Variants in EPHA6 observed in about 807,000 individuals in gnomAD.
EPHA6 encodes the protein ephrin type-A receptor 6.
Under a neutral mutation model 112.0 loss-of-function variants are expected in EPHA6, and 50 were observed. The ratio of observed to expected loss-of-function variants is 0.45; its 90% confidence interval spans 0.36 to 0.56. The LOEUF (loss-of-function observed/expected upper bound fraction) is 0.56. Ranked by LOEUF, EPHA6 falls within the 20% of genes least tolerant of loss-of-function variation. The pLI is 0.00. For synonymous variants in EPHA6, 529 were observed against 490.7 expected (o/e 1.08, Z -1.03); for missense variants, 1,280 against 1,417.4 (o/e 0.90, Z 1.56).
At chr3:97,292,698 G>A (rs2080732137) in intron 5 of EPHA6, among the ~76,000 whole-genome samples, 1 of 151,450 alleles carries the variant, frequency 6.6e-6, no homozygotes, top group Admixed American at 6.6e-5. Flanking sequence ...TCTCAGGGGA[G>A]AGGAGACCCG....
chr3:97,013,502 C>A (rs946208006), intron 3 of EPHA6, among the ~76,000 whole-genome samples: 3 of 152,050 alleles, frequency 2.0e-5, no homozygotes, highest in African/African-American at 7.2e-5. Context: ...GTACCCACTA[C>A]GTCCTGAAAA....
At chr3:96,994,795 T>TGC (rs1335823818) in intron 3 of EPHA6, among the ~76,000 whole-genome samples, 2 of 139,276 alleles carry the variant, frequency 1.4e-5, no homozygotes, top group Non-Finnish European at 3.1e-5. Context: ...AGAATATGTG[T>TGC]GTGTATATAT....
intron 2 of EPHA6, among the ~76,000 whole-genome samples, chr3:96,882,768 G>A (rs6782935): frequency 0.11 from 16,158 of 148,856 alleles, 2,885 homozygotes; most frequent in African/African-American, 0.37. Context: ...GTGTGTGTGT[G>A]TATAGTCAAT....
intron 3 of EPHA6, among the ~76,000 whole-genome samples, chr3:97,131,256 G>A (rs1426421217): frequency 6.6e-6 from 1 of 152,018 alleles, no homozygotes; most frequent in East Asian, 1.9e-4. Context: ...AATATAAATG[G>A]TAGTAATATA....
intron 12 of EPHA6, among the ~76,000 whole-genome samples, chr3:97,598,144 T>G (rs1000117451): frequency 1.3e-5 from 2 of 151,994 alleles, no homozygotes; most frequent in Non-Finnish European, 2.9e-5. Context: ...TTTTATTTTT[T>G]TTATTTTTTA....
chr3:97,744,425 C>G (rs1343562732), intron 16 of EPHA6, among the ~76,000 whole-genome samples: 1 of 151,822 alleles, frequency 6.6e-6, no homozygotes, highest in Non-Finnish European at 1.5e-5. Context: ...GCCCTCGAAG[C>G]CAGAAAATAG....
At chr3:97,202,109 G>A (rs934706589) in intron 3 of EPHA6, among the ~76,000 whole-genome samples, 5 of 152,012 alleles carry the variant, frequency 3.3e-5, no homozygotes, top group African/African-American at 1.2e-4. Context: ...GAAAATTACT[G>A]AAAGACTAGA....
At chr3:97,544,603 C>T (rs986146273) in intron 11 of EPHA6, among the ~76,000 whole-genome samples, 5 of 152,026 alleles carry the variant, frequency 3.3e-5, no homozygotes, top group African/African-American at 1.2e-4. Flanking sequence ...GATGCTGGCC[C>T]ATAAAATGAG....
intron 5 of EPHA6, among the ~76,000 whole-genome samples, chr3:97,331,205 A>C (rs569301638): frequency 6.6e-6 from 1 of 152,302 alleles, no homozygotes; most frequent in African/African-American, 2.4e-5. Context: ...CAGCGAGAAC[A>C]AAGACACAAC....
chr3:96,988,456 C>T (rs1408828563), intron 3 of EPHA6, among the ~76,000 whole-genome samples: 1 of 152,000 alleles, frequency 6.6e-6, no homozygotes, highest in African/African-American at 2.4e-5. Flanking sequence ...TAGTGATTTC[C>T]CTGGTGTTCA....
At chr3:97,041,115 T>C (rs2045297180) in intron 3 of EPHA6, among the ~76,000 whole-genome samples, 1 of 152,140 alleles carries the variant, frequency 6.6e-6, no homozygotes, top group Non-Finnish European at 1.5e-5. Context: ...TTTTGTTTTC[T>C]TTCCTCTGTA....
chr3:96,848,801 C>T (rs1355071010), intron 1 of EPHA6, among the ~76,000 whole-genome samples: 1 of 152,026 alleles, frequency 6.6e-6, no homozygotes, highest in Non-Finnish European at 1.5e-5. Flanking sequence ...AGAGTTTACT[C>T]ATTTTCCTTA....
At chr3:97,167,348 T>C (rs1392695) in intron 3 of EPHA6, among the ~76,000 whole-genome samples, 67,751 of 151,976 alleles carry the variant, frequency 0.45, 20,100 homozygotes, top group African/African-American at 0.85. Flanking sequence ...CTTTCCTCTA[T>C]CTCAGAAATT....
chr3:96,837,409 T>C (rs1347391164), intron 1 of EPHA6, among the ~76,000 whole-genome samples: 1 of 152,062 alleles, frequency 6.6e-6, no homozygotes, highest in Non-Finnish European at 1.5e-5. Context: ...CAACATTGTT[T>C]ATGATGAGGG....
chr3:97,686,936 TG>T (rs770838529), intron 14 of EPHA6, among the ~76,000 whole-genome samples: 4 of 152,260 alleles, frequency 2.6e-5, no homozygotes, highest in East Asian at 3.9e-4. Context: ...CCATATTTTG[TG>T]GGGGGAAATT....
intron 3 of EPHA6, among the ~76,000 whole-genome samples, chr3:97,223,334 G>T (rs529298701): frequency 1.3e-5 from 2 of 152,156 alleles, no homozygotes; most frequent in African/African-American, 4.8e-5. Context: ...TTGCAGCAGG[G>T]TGTAGCAGGA....
intron 5 of EPHA6, among the ~76,000 whole-genome samples, chr3:97,354,422 A>C (rs2083961892): frequency 6.6e-6 from 1 of 152,236 alleles, no homozygotes; most frequent in Non-Finnish European, 1.5e-5. Flanking sequence ...GAATTTAACA[A>C]AAAGATTGAA....
intron 5 of EPHA6, among the ~76,000 whole-genome samples, chr3:97,302,300 C>A (rs2081125774): frequency 6.6e-6 from 1 of 151,742 alleles, no homozygotes; most frequent in East Asian, 1.9e-4. Flanking sequence ...TTTTATTCTG[C>A]ACAAAGTAGT....
intron 5 of EPHA6, among the ~76,000 whole-genome samples, chr3:97,288,690 CAA>C (rs1170433183): frequency 9.2e-5 from 14 of 152,182 alleles, no homozygotes; most frequent in Admixed American, 5.9e-4. Flanking sequence ...ACATTCCCAC[CAA>C]GAGTGTATAA....
Sources: gnomAD v4.1 joint callset for allele counts (sites outside exome capture counted in the v4.1 genomes callset) on GRCh38, gnomAD v4.1.1 for gene constraint, MANE v1.5 for transcripts, NCBI Gene and HGNC (gene_info 2026-07-23, HGNC 2026-07-21) for gene names.